BAZ2B: variants seen among roughly 807,000 people sequenced by gnomAD.
BAZ2B encodes bromodomain adjacent to zinc finger domain 2B.
In BAZ2B, 91 loss-of-function variants were observed where a neutral mutation model predicts 246.0. The ratio of observed to expected loss-of-function variants is 0.37; its 90% CI spans 0.31 to 0.44. BAZ2B has a LOEUF of 0.44. BAZ2B is among the 20% of genes least tolerant of loss of function. The pLI is 1.00. For missense variants in BAZ2B, 2,332 were observed against 2,533.7 expected (o/e 0.92, Z 1.71); for synonymous variants, 855 against 860.0 (o/e 0.99, Z 0.10).
the BAZ2B span, among the ~76,000 whole-genome samples, chr2:159,674,062 G>A: frequency 2.3e-3 from 353 of 151,970 alleles, 2 homozygotes; most frequent in Admixed American, 5.4e-3. Context: ...GAACAGGCAC[G>A]TCAGATGCAG....
chr2:159,349,095 T>C lies in BAZ2B; in HGVS notation c.5049A>G (p.Pro1683=), dbSNP rs757596989. The part of the protein sequence containing the change: ...VASSKSESPV[P]QNEKATSAQP... ...GAGCTGAAGTGGCCTTTTCATTCTG[T>C]GGTACTGGAGATTCACTTTTACTTG... is the stretch of plus-strand genomic sequence containing the variant. The change falls in exon 29 of 37, where the codon CCA becomes CCG. Residue 1683 remains proline (P), a synonymous_variant. Coordinates refer to ENST00000392783, the MANE Select transcript of BAZ2B (RefSeq NM_013450.4). The C allele has an allele frequency of 6.2e-7, 1 of 1,614,132 alleles. No individual in the cohort carries two copies. Among genetic ancestry groups the C allele is most frequent in the Non-Finnish European group, 8.5e-7 (1 of 1,179,986 alleles).
chr2:159,439,055 T>C lies in BAZ2B; in HGVS notation c.854A>G (p.Asp285Gly). The change falls in exon 7 of 37, where the codon GAT becomes GGT. Residue 285 changes from aspartate (D) to glycine (G), a missense_variant. Asp to Gly is a moderately conservative substitution (Grantham distance 94). Around this residue, in one of 9 missense-constraint regions of BAZ2B, gnomAD observed 161 missense variants for 225.8 expected, o/e 0.71. Transcript: ENST00000392783. ...TGCTTCACTCTCTGAATCAGAATCA[T>C]CATCTTCACTTTCTTCAATACTTTG... The part of the protein sequence containing the change: ...EDQSIEESED[D>G]DSDSESEAQH... 6.2e-7 allele frequency: 1 copy of C among 1,613,854 alleles called. No individual in the cohort carries two copies. Among genetic ancestry groups the C allele is most frequent in the Non-Finnish European group, 8.5e-7 (1 of 1,179,942 alleles).
At chr2:159,318,567 T>C (rs1479029253), downstream of BAZ2B, among the ~76,000 whole-genome samples, 8 of 152,236 alleles carry the variant, frequency 5.3e-5, no homozygotes, top group East Asian at 1.4e-3. Context: ...TTCTCCGGAG[T>C]CTGGCGGAGC....
At chr2:159,343,904 T>C (rs182929496) in intron 31 of BAZ2B, among the ~76,000 whole-genome samples, 1 of 151,338 alleles carries the variant, frequency 6.6e-6, no homozygotes, top group Non-Finnish European at 1.5e-5. Flanking sequence ...TGGGCGCCTG[T>C]AGTCTCAGCT....
chr2:159,372,047 C>A (rs1470088774), intron 27 of BAZ2B, among the ~76,000 whole-genome samples: 1 of 152,128 alleles, frequency 6.6e-6, no homozygotes, highest in Non-Finnish European at 1.5e-5. Context: ...AAAAAGTGAT[C>A]CCATTACTAA....
At chr2:159,417,774 T>G (rs1305134444) in intron 13 of BAZ2B, among the ~76,000 whole-genome samples, 2 of 152,212 alleles carry the variant, frequency 1.3e-5, no homozygotes, top group East Asian at 3.8e-4. Flanking sequence ...AGAGAGACCT[T>G]TTCCCTAAAG....
chr2:159,662,461 C>T, the BAZ2B span, among the ~76,000 whole-genome samples: 5 of 152,176 alleles, frequency 3.3e-5, no homozygotes, highest in African/African-American at 1.2e-4. Flanking sequence ...CTGCCAGCAC[C>T]ATATGAGAGG....
At chr2:159,675,011 G>A in the BAZ2B span, among the ~76,000 whole-genome samples, 2 of 152,080 alleles carry the variant, frequency 1.3e-5, no homozygotes, top group African/African-American at 2.4e-5. Flanking sequence ...TATATAAAAC[G>A]CTCTTGGGGA....
chr2:159,571,101 G>A (rs1422342698), intron 1 of BAZ2B, among the ~76,000 whole-genome samples: 1 of 152,100 alleles, frequency 6.6e-6, no homozygotes, highest in African/African-American at 2.4e-5. Flanking sequence ...TGAACCGCCC[G>A]CCTTGGCCTA....
chr2:159,427,068 G>T (rs73967865), intron 13 of BAZ2B, among the ~76,000 whole-genome samples: 8,731 of 152,114 alleles, frequency 0.057, 473 homozygotes, highest in African/African-American at 0.13. Flanking sequence ...GACAAGAAGT[G>T]TAATTATAAT....
At chr2:159,633,202 T>G in the BAZ2B span, among the ~76,000 whole-genome samples, 1 of 151,634 alleles carries the variant, frequency 6.6e-6, no homozygotes, top group Non-Finnish European at 1.5e-5. Context: ...AGTCTATTTT[T>G]AAAAGAGTTA....
chr2:159,415,401 C>T (rs1353020318), intron 13 of BAZ2B, among the ~76,000 whole-genome samples: 4 of 144,504 alleles, frequency 2.8e-5, no homozygotes, highest in Admixed American at 2.2e-4. Context: ...GCCAAGATTG[C>T]GCCACTGCAC....
Position 159,320,395 on chromosome 2 carries a change from G to A in BAZ2B, c.6377C>T (p.Ala2126Val). ...GTCAAAAACAAGCCTGACATCTAGA[G>A]CAAAGGTTTCAAGGTTTGGATACCT... ...SGQYPNLETF[A>V]LDVRLVFDNC... Residue 2126 changes from alanine (A) to valine (V), a missense_variant, in exon 37 of 37, where the codon GCT becomes GTT. Transcript: ENST00000392783. 1.3e-6 allele frequency: 2 copies of A among 1,572,430 alleles called. No homozygotes were observed. Among genetic ancestry groups the A allele is most frequent in the South Asian group, 2.4e-5 (2 of 82,782 alleles).
intron 1 of BAZ2B, among the ~76,000 whole-genome samples, chr2:159,597,563 G>C (rs535236195): frequency 6.6e-6 from 1 of 152,254 alleles, no homozygotes; most frequent in East Asian, 1.9e-4. Flanking sequence ...GTCTTGCTCC[G>C]TTGCCCAGGC....
At chr2:159,398,788 A>G (rs779132489) in intron 18 of BAZ2B, 41 bp downstream of exon 18, 2 of 1,557,934 alleles carry the variant, frequency 1.3e-6, no homozygotes, top group South Asian at 1.2e-5. Flanking sequence ...TATAGTTTTT[A>G]TTTTTCAAAA....
At chr2:159,700,960 T>C in the BAZ2B span, among the ~76,000 whole-genome samples, 1 of 152,214 alleles carries the variant, frequency 6.6e-6, no homozygotes, top group South Asian at 2.1e-4. Context: ...AAAATTTATA[T>C]TAAATTCCTA....
intron 2 of BAZ2B, among the ~76,000 whole-genome samples, chr2:159,504,892 T>C (rs570722214): frequency 1.3e-5 from 2 of 152,362 alleles, no homozygotes; most frequent in Admixed American, 6.5e-5. Flanking sequence ...TTTGGTTCTC[T>C]AGTTCAATCT....
chr2:159,364,752 A>C (rs2060045942), intron 27 of BAZ2B, among the ~76,000 whole-genome samples: 1 of 152,206 alleles, frequency 6.6e-6, no homozygotes, highest in South Asian at 2.1e-4. Context: ...ACCTGTACTT[A>C]CAAGGTCGGC....
intron 13 of BAZ2B, among the ~76,000 whole-genome samples, chr2:159,419,327 G>A (rs1009758163): frequency 3.9e-5 from 6 of 152,012 alleles, no homozygotes; most frequent in Non-Finnish European, 5.9e-5. Flanking sequence ...AGATATTTGC[G>A]ACGAAATTTG....
Sources: allele counts gnomAD v4.1 joint callset (sites outside exome capture counted in the v4.1 genomes callset), GRCh38; gene constraint gnomAD v4.1.1; regional missense constraint gnomAD v4.1.1; transcripts MANE v1.5; gene names NCBI Gene and HGNC (gene_info 2026-07-23, HGNC 2026-07-21).